The following TMED10 variants were observed in gnomAD, a reference collection of about 807,000 sequenced individuals.
TMED10 encodes the protein transmembrane emp24 domain-containing protein 10.
TMED10 carries 7 observed loss-of-function variants against 23.1 expected under a neutral mutation model. The observed-to-expected ratio is 0.30, with a 90% CI of 0.17 to 0.57. The LOEUF (loss-of-function observed/expected upper bound fraction) is 0.57. TMED10 is among the 20% of genes least tolerant of loss of function. The pLI is 0.91. For missense variants in TMED10, 162 were observed against 274.8 expected, an observed-to-expected ratio of 0.59 and a Z score of 2.90; for synonymous variants, 113 against 106.9, an observed-to-expected ratio of 1.06 and a Z score of -0.35.
rs1895720637 is a variant in TMED10, at chr14:75,134,192, T to TTAA, written c.*692_*693insTTA. On this transcript the variant is annotated 3_prime_UTR_variant, in exon 5 of 5. Coordinates refer to ENST00000303575, the MANE Select transcript of TMED10 (RefSeq NM_006827.6). ...TCTCTTGTGATGGTGGTCACATGAATCTACACATGTGATAATATTGCATAG... is the reference window on the plus strand; with the variant it reads ...TCTCTTGTGATGGTGGTCACATGAATTAACTACACATGTGATAATATTGCATAG... 6.4e-6 allele frequency: 1 copy of TTAA among 155,418 alleles called. No homozygotes were observed. The highest frequency in any genetic ancestry group is 1.9e-4 in the South Asian group (1 of 5,248). 9.6% of individuals were successfully genotyped at this position (155,418 alleles called of 1,614,324 possible).
At chr14:75,165,862 A>C (rs1434718815) in intron 1 of TMED10, among the ~76,000 whole-genome samples, 3 of 152,140 alleles carry the variant, frequency 2.0e-5, no homozygotes, top group African/African-American at 7.2e-5. Context: ...AAATGCTGAA[A>C]ACCAGAAATA....
At chr14:75,140,416 G>C (rs1895808059) in intron 3 of TMED10, among the ~76,000 whole-genome samples, 1 of 150,520 alleles carries the variant, frequency 6.6e-6, no homozygotes. Context: ...TTTTACAAAA[G>C]AAAAAAATTA....
At chr14:75,173,694 G>GT (rs1896264529) in intron 1 of TMED10, among the ~76,000 whole-genome samples, 1 of 152,136 alleles carries the variant, frequency 6.6e-6, no homozygotes, top group Non-Finnish European at 1.5e-5. Flanking sequence ...TAAAGTGCTA[G>GT]GGTGTGTGCA....
chr14:75,176,587 G>A lies in TMED10; in HGVS notation c.-8C>T, dbSNP rs2139868421. On this transcript the variant is annotated 5_prime_UTR_variant, in exon 1 of 5. Transcript: ENST00000303575. ...GCCAGACAAACCAGACATGGTGCTG[G>A]AGACTCGTTCACCACCGAAGGCCTC... is the stretch of plus-strand genomic sequence containing the variant. The A allele has an allele frequency of 1.2e-6, 2 of 1,613,892 alleles. No homozygotes were observed. Among genetic ancestry groups the A allele is most frequent in the East Asian group, 2.2e-5 (1 of 44,880 alleles).
intron 1 of TMED10, among the ~76,000 whole-genome samples, chr14:75,165,309 C>T (rs1896146636): frequency 6.6e-6 from 1 of 152,130 alleles, no homozygotes; most frequent in African/African-American, 2.4e-5. Context: ...CTCACCACAA[C>T]CTCCACCTCC....
intron 1 of TMED10, among the ~76,000 whole-genome samples, chr14:75,166,440 T>G (rs1381086822): frequency 1.3e-5 from 2 of 152,192 alleles, no homozygotes; most frequent in Non-Finnish European, 1.5e-5. Flanking sequence ...TAGAAGTCAC[T>G]GCACCCCTAC....
intron 1 of TMED10, among the ~76,000 whole-genome samples, chr14:75,175,526 G>T (rs1896292407): frequency 6.6e-6 from 1 of 150,870 alleles, no homozygotes; most frequent in Admixed American, 6.6e-5. Flanking sequence ...TCACTCATAG[G>T]TGGGAATTGA....
intron 1 of TMED10, among the ~76,000 whole-genome samples, chr14:75,168,131 C>T (rs1452734530): frequency 6.6e-6 from 1 of 152,128 alleles, no homozygotes; most frequent in African/African-American, 2.4e-5. Context: ...ATCCATTTAT[C>T]TCTCTCTGCT....
intron 1 of TMED10, among the ~76,000 whole-genome samples, chr14:75,157,305 C>G (rs1403207755): frequency 1.3e-5 from 2 of 152,138 alleles, no homozygotes; most frequent in Admixed American, 6.6e-5. Flanking sequence ...TCTTGTTATT[C>G]CTGTTTTACT....
intron 1 of TMED10, among the ~76,000 whole-genome samples, chr14:75,155,741 C>T (rs1209878144): frequency 6.6e-6 from 1 of 151,854 alleles, no homozygotes; most frequent in Non-Finnish European, 1.5e-5. Context: ...GAATTTCAAT[C>T]AAGGGAAAGA....
intron 1 of TMED10, among the ~76,000 whole-genome samples, chr14:75,171,944 T>C (rs1896239312): frequency 6.6e-6 from 1 of 151,938 alleles, no homozygotes; most frequent in Non-Finnish European, 1.5e-5. Context: ...TTTTTTTTTT[T>C]ACACTTTAAG....
At chr14:75,157,300 T>G (rs1224119704) in intron 1 of TMED10, among the ~76,000 whole-genome samples, 1 of 152,232 alleles carries the variant, frequency 6.6e-6, no homozygotes, top group African/African-American at 2.4e-5. Flanking sequence ...ACTGGTCTTG[T>G]TATTCCTGTT....
Position 75,135,077 on chromosome 14 carries a change from A to G in TMED10, c.539-71T>C, listed in dbSNP as rs1355609836. On this transcript the variant is annotated intron_variant, in intron 4 of 4. Transcript: ENST00000303575. Reference sequence around the variant, plus strand: ...TCAGCTGGCTAAACAATGGCAGGGGAGGTGGGTAAAGGCAATTAATTAACT... The same window carrying G: ...TCAGCTGGCTAAACAATGGCAGGGGGGGTGGGTAAAGGCAATTAATTAACT... 3.2e-6 allele frequency: 5 copies of G among 1,570,960 alleles called. No homozygotes were observed. In the East Asian group the frequency reaches 6.8e-5, roughly 21 times the overall value.
chr14:75,145,307 C>T (rs555662787), intron 3 of TMED10, among the ~76,000 whole-genome samples: 1 of 152,262 alleles, frequency 6.6e-6, no homozygotes, highest in Admixed American at 6.5e-5. Context: ...AAAGATAAAG[C>T]CCCTTTCCTA....
chr14:75,155,803 C>T (rs1896013799), intron 1 of TMED10, among the ~76,000 whole-genome samples: 1 of 151,840 alleles, frequency 6.6e-6, no homozygotes, highest in Non-Finnish European at 1.5e-5. Flanking sequence ...GGCCTGGGTC[C>T]AGAAAAACAT....
chr14:75,144,315 A>C (rs1895857101), intron 3 of TMED10, among the ~76,000 whole-genome samples: 1 of 152,242 alleles, frequency 6.6e-6, no homozygotes, highest in Non-Finnish European at 1.5e-5. Context: ...ACACCCTCTG[A>C]AGGGCAGAAG....
At chr14:75,172,067 A>C (rs1896241046) in intron 1 of TMED10, among the ~76,000 whole-genome samples, 1 of 152,122 alleles carries the variant, frequency 6.6e-6, no homozygotes, top group Non-Finnish European at 1.5e-5. Flanking sequence ...TTTTACAAAA[A>C]ATATAGTGGA....
chr14:75,155,206 G>A (rs1896007739), intron 1 of TMED10, among the ~76,000 whole-genome samples: 1 of 152,084 alleles, frequency 6.6e-6, no homozygotes, highest in African/African-American at 2.4e-5. Flanking sequence ...TGATCCGCCT[G>A]CCTTGGCTTT....
chr14:75,138,643 G>T (rs947900780), intron 3 of TMED10, among the ~76,000 whole-genome samples: 3 of 152,090 alleles, frequency 2.0e-5, no homozygotes, highest in African/African-American at 7.2e-5. Context: ...AAATGAGACA[G>T]TATAAAGGAA....
Sources: gnomAD v4.1 joint callset for allele counts (sites outside exome capture counted in the v4.1 genomes callset) on GRCh38, gnomAD v4.1.1 for gene constraint, MANE v1.5 for transcripts, NCBI Gene and HGNC (gene_info 2026-07-23, HGNC 2026-07-21) for gene names.